Variants in KCNMB2 observed in about 807,000 individuals in gnomAD.
The protein encoded by KCNMB2 is potassium calcium-activated channel subfamily M regulatory beta subunit 2.
A neutral mutation model predicts 24.5 loss-of-function variants in KCNMB2; 9 were observed. That is an observed-to-expected ratio of 0.37 (90% CI 0.22 to 0.64). The LOEUF is 0.64. KCNMB2 is among the 30% of genes least tolerant of loss of function. The probability of loss-of-function intolerance (pLI) is 0.63; values close to 1 mark genes in which losing one functional copy is unlikely to be tolerated. For synonymous variants in KCNMB2, 109 were observed against 104.4 expected, an observed-to-expected ratio of 1.04 and a Z score of -0.27; for missense variants, 226 against 284.3, an observed-to-expected ratio of 0.79 and a Z score of 1.47.
At chr3:178,760,552 T>A (rs542748314) in intron 1 of KCNMB2, among the ~76,000 whole-genome samples, 45 of 148,566 alleles carry the variant, frequency 3.0e-4, no homozygotes, top group African/African-American at 1.0e-3. Context: ...ATACCACAAT[T>A]TTCACTGGTA....
chr3:178,711,621 A>G (rs1357543762), intron 1 of KCNMB2, among the ~76,000 whole-genome samples: 1 of 143,320 alleles, frequency 7.0e-6, no homozygotes, highest in African/African-American at 2.6e-5. Flanking sequence ...TTCCTATACG[A>G]AACCCAGAGA....
chr3:178,586,280 C>A (rs1577029322), intron 1 of KCNMB2, among the ~76,000 whole-genome samples: 1 of 151,974 alleles, frequency 6.6e-6, no homozygotes, highest in Non-Finnish European at 1.5e-5. Context: ...GCTGCAAACA[C>A]CAGCAGAGAG....
At chr3:178,788,710 C>A (rs543780068) in intron 1 of KCNMB2, among the ~76,000 whole-genome samples, 1 of 152,196 alleles carries the variant, frequency 6.6e-6, no homozygotes, top group East Asian at 1.9e-4. Context: ...TTCAACTAAA[C>A]CTGAGATGGT....
At chr3:178,766,990 G>A (rs148450043) in intron 1 of KCNMB2, among the ~76,000 whole-genome samples, 7 of 152,226 alleles carry the variant, frequency 4.6e-5, no homozygotes, top group African/African-American at 1.7e-4. Flanking sequence ...TGCCCTCCAG[G>A]GGACATTTGG....
intron 1 of KCNMB2, among the ~76,000 whole-genome samples, chr3:178,650,177 T>C (rs1263859414): frequency 6.6e-6 from 1 of 152,194 alleles, no homozygotes; most frequent in Non-Finnish European, 1.5e-5. Context: ...TAATCCTGAG[T>C]TCTAATTTGA....
At chr3:178,664,155 T>A (rs1251617020) in intron 1 of KCNMB2, among the ~76,000 whole-genome samples, 1 of 152,154 alleles carries the variant, frequency 6.6e-6, no homozygotes, top group African/African-American at 2.4e-5. Flanking sequence ...AAGTTTCATG[T>A]GGTACACTGG....
At chr3:178,822,910 G>C (rs921364572) in intron 2 of KCNMB2, among the ~76,000 whole-genome samples, 3 of 152,214 alleles carry the variant, frequency 2.0e-5, no homozygotes, top group African/African-American at 7.2e-5. Context: ...GGAATTGTGA[G>C]ATTATGCTCC....
chr3:178,666,992 T>G (rs779819233), intron 1 of KCNMB2, among the ~76,000 whole-genome samples: 12 of 152,186 alleles, frequency 7.9e-5, no homozygotes, highest in Non-Finnish European at 1.5e-4. Flanking sequence ...CACCACTAGA[T>G]TACTTATAAT....
At chr3:178,667,993 T>C (rs566787013) in intron 1 of KCNMB2, among the ~76,000 whole-genome samples, 1 of 152,272 alleles carries the variant, frequency 6.6e-6, no homozygotes, top group East Asian at 1.9e-4. Context: ...AGTACGTATC[T>C]CTTTTTACAT....
intron 1 of KCNMB2, among the ~76,000 whole-genome samples, chr3:178,682,402 A>G (rs965088578): frequency 1.3e-5 from 2 of 152,066 alleles, no homozygotes; most frequent in African/African-American, 2.4e-5. Context: ...TCACAAGAAC[A>G]TAATCCTCAA....
intron 2 of KCNMB2, among the ~76,000 whole-genome samples, chr3:178,824,310 G>A (rs1714745947): frequency 6.6e-6 from 1 of 152,096 alleles, no homozygotes; most frequent in Non-Finnish European, 1.5e-5. Flanking sequence ...GTGTCATTGA[G>A]CTGTAGCTCC....
chr3:178,601,133 G>A (rs985888103), intron 1 of KCNMB2, among the ~76,000 whole-genome samples: 3 of 147,240 alleles, frequency 2.0e-5, no homozygotes, highest in African/African-American at 7.5e-5. Flanking sequence ...TCAAATGTGG[G>A]AGTTGAACAA....
At chr3:178,760,410 T>G (rs1413875341) in intron 1 of KCNMB2, among the ~76,000 whole-genome samples, 2 of 141,242 alleles carry the variant, frequency 1.4e-5, no homozygotes, top group African/African-American at 5.2e-5. Context: ...AAGATATATA[T>G]ATTATATATA....
At chr3:178,756,766 CTTT>C (rs1724059017) in intron 1 of KCNMB2, among the ~76,000 whole-genome samples, 1 of 152,076 alleles carries the variant, frequency 6.6e-6, no homozygotes, top group Non-Finnish European at 1.5e-5. Context: ...TTTCCTCTTT[CTTT>C]CTCTGGATGT....
chr3:178,654,835 A>G (rs1720263679), intron 1 of KCNMB2, among the ~76,000 whole-genome samples: 1 of 152,138 alleles, frequency 6.6e-6, no homozygotes, highest in Non-Finnish European at 1.5e-5. Flanking sequence ...TAAGGGAGTA[A>G]GCTCTACGGT....
chr3:178,596,391 T>C (rs1233454104), intron 1 of KCNMB2, among the ~76,000 whole-genome samples: 1 of 152,128 alleles, frequency 6.6e-6, no homozygotes, highest in Non-Finnish European at 1.5e-5. Flanking sequence ...ATTTTAAAAA[T>C]GAGAGAACTC....
At chr3:178,733,769 G>A (rs919924741) in intron 1 of KCNMB2, among the ~76,000 whole-genome samples, 3 of 152,114 alleles carry the variant, frequency 2.0e-5, no homozygotes, top group Non-Finnish European at 1.5e-5. Flanking sequence ...ATGAGCCACC[G>A]CACCCAGCCC....
intron 1 of KCNMB2, among the ~76,000 whole-genome samples, chr3:178,580,274 C>G (rs897910005): frequency 5.3e-5 from 8 of 152,170 alleles, no homozygotes; most frequent in Non-Finnish European, 1.0e-4. Flanking sequence ...ACAGAAACCA[C>G]ATGATTATCT....
intron 1 of KCNMB2, among the ~76,000 whole-genome samples, chr3:178,619,982 T>A (rs1443286917): frequency 6.6e-6 from 1 of 152,222 alleles, no homozygotes; most frequent in African/African-American, 2.4e-5. Context: ...TTACTGAGCA[T>A]CTACTATGTC....
Sources: gnomAD v4.1 joint callset for allele counts (sites outside exome capture counted in the v4.1 genomes callset) on GRCh38, gnomAD v4.1.1 for gene constraint, MANE v1.5 for transcripts, NCBI Gene and HGNC (gene_info 2026-07-23, HGNC 2026-07-21) for gene names.